RBFOX1: variants seen among roughly 807,000 people sequenced by gnomAD.
RBFOX1 encodes RNA binding fox-1 homolog 1.
A neutral mutation model predicts 57.7 loss-of-function variants in RBFOX1; 8 were observed. The observed-to-expected ratio is 0.14, with a 90% CI of 0.08 to 0.25. The LOEUF (loss-of-function observed/expected upper bound fraction) is 0.25. RBFOX1 is among the 10% of genes least tolerant of loss of function. RBFOX1 has a pLI of 1.00. For missense variants in RBFOX1, 611 were observed against 548.5 expected (o/e 1.11, Z -1.14); for synonymous variants, 326 against 222.4 (o/e 1.47, Z -4.15).
intron 4 of RBFOX1, among the ~76,000 whole-genome samples, chr16:7,247,305 A>C (rs892605494): frequency 1.3e-5 from 2 of 152,204 alleles, no homozygotes; most frequent in East Asian, 1.9e-4. Flanking sequence ...CCTTAACCAA[A>C]GCAAGTCTCA....
At chr16:6,632,807 T>G (rs2098400913) in intron 2 of RBFOX1, among the ~76,000 whole-genome samples, 1 of 152,206 alleles carries the variant, frequency 6.6e-6, no homozygotes, top group Non-Finnish European at 1.5e-5. Context: ...GGCTCTTCTT[T>G]TCATTATATT....
Position 5,698,398 on chromosome 16 carries a change from C to G in RBFOX1, c.318+99437C>G, listed in dbSNP as rs548818307. Among the ~76,000 whole-genome samples the G allele has an allele frequency of 2.1e-4, 32 of 152,236 alleles. No homozygotes were observed. In the South Asian group the frequency reaches 6.0e-3, roughly 29 times the overall value. ...GACAAGGCAACTTTGATCATTACTT[C>G]TATTTTATGGTTATTGGCTTATTGT... On this transcript the variant is annotated intron_variant, in intron 3 of 19. Coordinates refer to the RBFOX1 transcript ENST00000641259.
chr16:6,553,309 A>G (rs937448038), intron 2 of RBFOX1, among the ~76,000 whole-genome samples: 6 of 152,242 alleles, frequency 3.9e-5, no homozygotes, highest in African/African-American at 1.4e-4. Flanking sequence ...TTGGGTTGAA[A>G]TAAAGATCGT....
At chr16:7,384,359 G>C (rs1054274773) in intron 4 of RBFOX1, among the ~76,000 whole-genome samples, 2 of 152,086 alleles carry the variant, frequency 1.3e-5, no homozygotes, top group Non-Finnish European at 1.5e-5. Context: ...GGAATATATA[G>C]CTCAGGTGCA....
chr16:7,157,271 G>A (rs2077345975), intron 4 of RBFOX1, among the ~76,000 whole-genome samples: 1 of 152,110 alleles, frequency 6.6e-6, no homozygotes, highest in African/African-American at 2.4e-5. Context: ...TCTCAAAATG[G>A]GAAGAAGACC....
chr16:5,567,562 G>A (rs574807239), intron 2 of RBFOX1, among the ~76,000 whole-genome samples: 1 of 150,282 alleles, frequency 6.7e-6, no homozygotes, highest in South Asian at 2.1e-4. Flanking sequence ...ATTAGAAACA[G>A]GGCTAATTTC....
At chr16:7,392,248 C>A (rs4786149) in intron 4 of RBFOX1, among the ~76,000 whole-genome samples, 59,617 of 151,988 alleles carry the variant, frequency 0.39, 12,995 homozygotes, top group East Asian at 0.58. Context: ...CTCCCTGAAT[C>A]CTCTAGGTTG....
intron 4 of RBFOX1, among the ~76,000 whole-genome samples, chr16:7,191,059 G>A (rs2085260654): frequency 6.6e-6 from 1 of 152,008 alleles, no homozygotes; most frequent in Non-Finnish European, 1.5e-5. Context: ...GGGACCCCTT[G>A]GATGTGAGTG....
chr16:6,366,085 ATGTG>A (rs71145219), intron 2 of RBFOX1, among the ~76,000 whole-genome samples: 2,179 of 144,208 alleles, frequency 0.015, 16 homozygotes, highest in South Asian at 0.02. Flanking sequence ...TGGCCATTCT[ATGTG>A]TGTGTGTGTG....
At chr16:7,000,957 T>C (rs201812297) in intron 3 of RBFOX1, among the ~76,000 whole-genome samples, 2 of 152,140 alleles carry the variant, frequency 1.3e-5, no homozygotes, top group South Asian at 2.1e-4. Flanking sequence ...ATGCTTTTCT[T>C]TATTGAAGTC....
chr16:6,018,263 C>G (rs542445177), upstream of RBFOX1, among the ~76,000 whole-genome samples: 1 of 151,720 alleles, frequency 6.6e-6, no homozygotes, highest in Non-Finnish European at 1.5e-5. Context: ...GTTTCTCACT[C>G]CAGTCCAGAG....
intron 2 of RBFOX1, among the ~76,000 whole-genome samples, chr16:6,568,392 G>A (rs997401118): frequency 2.6e-5 from 4 of 152,140 alleles, no homozygotes; most frequent in Admixed American, 6.5e-5. Flanking sequence ...GAGACATGGC[G>A]GATGGCTCTC....
intron 4 of RBFOX1, among the ~76,000 whole-genome samples, chr16:5,871,125 C>G (rs1250365142): frequency 6.6e-6 from 1 of 152,232 alleles, no homozygotes; most frequent in African/African-American, 2.4e-5. Context: ...CCACCCCTCC[C>G]TGCACCACAC....
At chr16:6,906,066 A>C (rs1263995477) in intron 3 of RBFOX1, among the ~76,000 whole-genome samples, 1 of 152,096 alleles carries the variant, frequency 6.6e-6, no homozygotes, top group South Asian at 2.1e-4. Context: ...GCTCATCTCC[A>C]CCTGATACTT....
intron 4 of RBFOX1, among the ~76,000 whole-genome samples, chr16:7,488,128 G>C (rs188318244): frequency 3.9e-5 from 6 of 152,084 alleles, no homozygotes; most frequent in Admixed American, 1.3e-4. Flanking sequence ...TCCTCTTGCC[G>C]TGCTAGTGTG....
At chr16:6,239,823 T>G (rs2097530816) in intron 1 of RBFOX1, among the ~76,000 whole-genome samples, 1 of 152,178 alleles carries the variant, frequency 6.6e-6, no homozygotes, top group Non-Finnish European at 1.5e-5. Flanking sequence ...AACATTTTCT[T>G]TTTTTGAATT....
At chr16:5,251,983 G>A (rs969564548) in intron 1 of RBFOX1, among the ~76,000 whole-genome samples, 4 of 152,162 alleles carry the variant, frequency 2.6e-5, no homozygotes, top group Admixed American at 6.5e-5. Flanking sequence ...CTGGGGCTGT[G>A]CTGTGTATTC....
At chr16:6,605,178 A>G (rs1372883018) in intron 2 of RBFOX1, among the ~76,000 whole-genome samples, 2 of 152,202 alleles carry the variant, frequency 1.3e-5, no homozygotes, top group Admixed American at 6.5e-5. Context: ...GCTCAAGGCT[A>G]CAGTGAGATG....
intron 3 of RBFOX1, among the ~76,000 whole-genome samples, chr16:6,839,325 C>T (rs1425606000): frequency 6.6e-6 from 1 of 152,156 alleles, no homozygotes; most frequent in Admixed American, 6.5e-5. Context: ...AAAACGATAA[C>T]TCCTCACTCT....
Sources: gnomAD v4.1 joint callset for allele counts (sites outside exome capture counted in the v4.1 genomes callset) on GRCh38, gnomAD v4.1.1 for gene constraint, MANE v1.5 for transcripts, NCBI Gene and HGNC (gene_info 2026-07-23, HGNC 2026-07-21) for gene names.